The following ZFP82 variants were observed in gnomAD, a reference collection of about 807,000 sequenced individuals.
ZFP82 encodes the protein ZFP82 zinc finger protein.
ZFP82 carries 30 observed loss-of-function variants against 54.0 expected under a neutral mutation model. That is an observed-to-expected ratio of 0.56 (90% CI 0.42 to 0.75). The LOEUF (loss-of-function observed/expected upper bound fraction) is 0.75. ZFP82 is among the 30% of genes least tolerant of loss of function. The probability of loss-of-function intolerance (pLI) is 0.00; values close to 1 mark genes in which losing one functional copy is unlikely to be tolerated. For synonymous variants in ZFP82, 194 were observed against 209.5 expected, an observed-to-expected ratio of 0.93 and a Z score of 0.64; for missense variants, 500 against 636.8, an observed-to-expected ratio of 0.79 and a Z score of 2.31.
chr19:36,408,081 G>C (rs1343722848), intron 2 of ZFP82, 68 bp from the exon 3 acceptor site: 1 of 1,554,456 alleles, frequency 6.4e-7, no homozygotes, highest in Admixed American at 1.7e-5. Flanking sequence ...AAGGAGAAAA[G>C]AAGGAAGAGA....
rs1166099531 is a variant in ZFP82, at chr19:36,391,240, C to G, written c.*1501G>C. 1 of 149,160 alleles carries G rather than the reference C, an allele frequency of 6.7e-6. No homozygotes were observed. Among genetic ancestry groups the G allele is most frequent in the Non-Finnish European group, 1.5e-5 (1 of 67,384 alleles). 9.2% of individuals were successfully genotyped at this position (149,160 alleles called of 1,614,324 possible). ...CCATAACTAATCAATGCATTTGGTT[C>G]AGGAAAAAAAAAAGCTCAAAGGTTG... On this transcript the variant is annotated 3_prime_UTR_variant, in exon 5 of 5. Transcript: ENST00000392161.
At chr19:36,394,956 C>T (rs1206560226) in intron 4 of ZFP82, 6 of 152,204 alleles carry the variant, frequency 3.9e-5, no homozygotes, top group South Asian at 2.1e-4. Context: ...GTAATAAATG[C>T]TAAGCATATA....
chr19:36,403,452 C>T (rs1053778179), intron 4 of ZFP82, among the ~76,000 whole-genome samples: 1 of 150,776 alleles, frequency 6.6e-6, no homozygotes, highest in Non-Finnish European at 1.5e-5. Context: ...AACCCCATCT[C>T]TACAAAAAAT....
chr19:36,394,736 T>C (rs1480141156), intron 4 of ZFP82: 1 of 152,334 alleles, frequency 6.6e-6, no homozygotes, highest in Non-Finnish European at 1.5e-5. Context: ...GCTCCTTTCA[T>C]CTTGAGATCT....
At chr19:36,396,061 A>ATTTTTT (rs34319197) in intron 4 of ZFP82, 5 of 136,840 alleles carry the variant, frequency 3.7e-5, no homozygotes, top group Non-Finnish European at 4.7e-5. Context: ...ACGCCTGGCT[A>ATTTTTT]TTTTTTTTTT....
downstream of ZFP82, among the ~76,000 whole-genome samples, chr19:36,386,243 G>T (rs1204662111): frequency 6.6e-6 from 1 of 152,242 alleles, no homozygotes; most frequent in Non-Finnish European, 1.5e-5. Context: ...GCTGGCTCAG[G>T]TGTGGCTCAG....
intron 1 of ZFP82, among the ~76,000 whole-genome samples, 200 bp downstream of exon 1, chr19:36,418,292 G>A (rs1437480372): frequency 1.3e-5 from 2 of 151,940 alleles, no homozygotes; most frequent in South Asian, 2.1e-4. Context: ...AGCTGGGCCC[G>A]GTGTGGGCAG....
intron 3 of ZFP82, among the ~76,000 whole-genome samples, chr19:36,407,266 C>A (rs1007322483): frequency 6.6e-6 from 1 of 151,076 alleles, no homozygotes; most frequent in African/African-American, 2.4e-5. Flanking sequence ...TTAGTAGAGA[C>A]GGGGTTTCAC....
intron 1 of ZFP82, among the ~76,000 whole-genome samples, chr19:36,414,824 A>C (rs1483372256): frequency 1.9e-5 from 2 of 106,714 alleles, no homozygotes; most frequent in African/African-American, 3.5e-5. Context: ...CATATTAAAT[A>C]CTTTTTTTTT....
intron 1 of ZFP82, among the ~76,000 whole-genome samples, chr19:36,414,151 T>C (rs1026157863): frequency 2.0e-5 from 3 of 151,370 alleles, no homozygotes; most frequent in Non-Finnish European, 4.4e-5. Context: ...CCGCCCGCCT[T>C]GGCCTCCCAA....
rs961117137 is a variant in ZFP82, at chr19:36,395,053, G to A, written c.230-943C>T. 4 of 152,160 alleles carry A rather than the reference G, an allele frequency of 2.6e-5. No homozygotes were observed. The East Asian group carries it at 7.7e-4, about 29-fold the overall frequency. 9.4% of individuals were successfully genotyped at this position (152,160 alleles called of 1,614,324 possible). On this transcript the variant is annotated intron_variant, in intron 4 of 4. Coordinates refer to ENST00000392161, the MANE Select transcript of ZFP82 (RefSeq NM_133466.4). Reference sequence around the variant, plus strand: ...CTAGTCTCTCATGCCTTACTACAGTGATTAAATATTCTCTTTATTCATCCA... The same window carrying A: ...CTAGTCTCTCATGCCTTACTACAGTAATTAAATATTCTCTTTATTCATCCA...
chr19:36,399,419 C>T (rs2145585545), intron 4 of ZFP82, among the ~76,000 whole-genome samples: 1 of 152,170 alleles, frequency 6.6e-6, no homozygotes, highest in South Asian at 2.1e-4. Flanking sequence ...TAAACTTAAC[C>T]CTCAGGTTAC....
At chr19:36,397,749 G>A (rs939610781) in intron 4 of ZFP82, among the ~76,000 whole-genome samples, 8 of 151,604 alleles carry the variant, frequency 5.3e-5, no homozygotes, top group Admixed American at 2.0e-4. Context: ...CACCACACCC[G>A]GCTAAATTTT....
chr19:36,412,095 A>AGAGT (rs140396966), intron 1 of ZFP82, among the ~76,000 whole-genome samples: 49,174 of 150,550 alleles, frequency 0.33, 8,463 homozygotes, highest in African/African-American at 0.45. Context: ...AGAGAGAGAG[A>AGAGT]GTGTGCGTGT....
At chr19:36,385,359 C>T (rs2032103857), downstream of ZFP82, among the ~76,000 whole-genome samples, 1 of 152,156 alleles carries the variant, frequency 6.6e-6, no homozygotes, top group South Asian at 2.1e-4. Flanking sequence ...TTTCTGTTTG[C>T]TGTGGATTAC....
At chr19:36,407,857 G>C (rs141587270) in intron 3 of ZFP82, 30 bp downstream of exon 3, 1 of 1,608,644 alleles carries the variant, frequency 6.2e-7, no homozygotes, top group East Asian at 2.2e-5. Context: ...AGAGAACACA[G>C]TCTAAATTCC....
At chr19:36,414,415 A>G (rs1448215939) in intron 1 of ZFP82, among the ~76,000 whole-genome samples, 7 of 146,974 alleles carry the variant, frequency 4.8e-5, no homozygotes, top group African/African-American at 1.5e-4. Flanking sequence ...CCAGGCTGGA[A>G]TGCAGTGGCA....
rs956035362 is a variant in ZFP82, at chr19:36,409,897, C to T, written c.-78-30G>A. The T allele has an allele frequency of 5.2e-6, 6 of 1,154,480 alleles. No individual in the cohort carries two copies. The African/African-American group carries it at 9.2e-5, about 18-fold the overall frequency. The allele number at this position is 1,154,480 out of a possible 1,614,324, so 71.5% of individuals were successfully genotyped here. On this transcript the variant is annotated intron_variant, in intron 1 of 4. Transcript: ENST00000392161. ...GGAGAGGAAAACAAGGCCATGAGAT[C>T]AGATGGACCTCAGAAATCCCCAAAT...
rs2032208358 is a variant in ZFP82, at chr19:36,392,051, A to G, written c.*690T>C. ...CTCAGCTGGTCAATTCTTCCATTCT[A>G]CATGGCATCAGTTCAGGTTACCAAG... On this transcript the variant is annotated 3_prime_UTR_variant, in exon 5 of 5. Transcript: ENST00000392161. 6.6e-6 allele frequency: 1 copy of G among 152,168 alleles called. No individual in the cohort carries two copies. The highest frequency in any genetic ancestry group is 6.6e-5 in the Admixed American group (1 of 15,258). The allele number at this position is 152,168 out of a possible 1,614,324, so 9.4% of individuals were successfully genotyped here. A position where few individuals can be genotyped will look rare whatever the true frequency, so the allele number is the denominator to read the frequency against.
Sources: gnomAD v4.1 joint callset for allele counts (sites outside exome capture counted in the v4.1 genomes callset) on GRCh38, gnomAD v4.1.1 for gene constraint, MANE v1.5 for transcripts, NCBI Gene and HGNC (gene_info 2026-07-23, HGNC 2026-07-21) for gene names.